The following BNC2 variants were observed in gnomAD, a reference collection of about 807,000 sequenced individuals.
BNC2 encodes the protein zinc finger protein basonuclin-2.
A neutral mutation model predicts 76.3 loss-of-function variants in BNC2; 20 were observed. The ratio of observed to expected loss-of-function variants is 0.26; its 90% CI spans 0.18 to 0.38. The LOEUF (loss-of-function observed/expected upper bound fraction) is 0.38, where lower values mean the gene tolerates loss of function less well. Ranked by LOEUF, BNC2 falls within the 10% of genes least tolerant of loss-of-function variation. The pLI, the probability that BNC2 is intolerant of heterozygous loss-of-function variation, is 1.00. For missense variants in BNC2, 1,382 were observed against 1,399.8 expected, an observed-to-expected ratio of 0.99 and a Z score of 0.20; for synonymous variants, 582 against 514.8, an observed-to-expected ratio of 1.13 and a Z score of -1.77.
intron 3 of BNC2, among the ~76,000 whole-genome samples, chr9:16,688,084 G>T (rs896862350): frequency 1.3e-5 from 2 of 152,128 alleles, no homozygotes; most frequent in Non-Finnish European, 2.9e-5. Flanking sequence ...TCTAAAAAAT[G>T]AGGGATAAGA....
chr9:16,613,186 C>G (rs1820600556), intron 3 of BNC2, among the ~76,000 whole-genome samples: 1 of 152,274 alleles, frequency 6.6e-6, no homozygotes, highest in East Asian at 1.9e-4. Context: ...CTGACAATTT[C>G]CAAGCATATG....
intron 3 of BNC2, among the ~76,000 whole-genome samples, chr9:16,640,278 C>T (rs1165407165): frequency 1.3e-5 from 2 of 152,132 alleles, no homozygotes; most frequent in Admixed American, 1.3e-4. Context: ...GAGAGGGTCT[C>T]AATCTCTCTC....
intron 1 of BNC2, among the ~76,000 whole-genome samples, chr9:16,742,104 G>T (rs1824869339): frequency 6.6e-6 from 1 of 152,132 alleles, no homozygotes; most frequent in Non-Finnish European, 1.5e-5. Context: ...GATTTTGGAT[G>T]AAATTACTTA....
intron 1 of BNC2, among the ~76,000 whole-genome samples, chr9:16,837,921 T>G (rs1818743755): frequency 6.6e-6 from 1 of 151,736 alleles, no homozygotes; most frequent in African/African-American, 2.4e-5. Context: ...AGAGTGAAAC[T>G]CTGTCTAAAA....
intron 3 of BNC2, among the ~76,000 whole-genome samples, chr9:16,659,331 G>A (rs529336936): frequency 2.6e-4 from 40 of 152,114 alleles, no homozygotes; most frequent in Admixed American, 8.5e-4. Context: ...CCAAGCTTGC[G>A]GCGGGCACAG....
At chr9:16,785,235 T>C (rs1447002362) in intron 1 of BNC2, among the ~76,000 whole-genome samples, 2 of 152,156 alleles carry the variant, frequency 1.3e-5, no homozygotes, top group Non-Finnish European at 2.9e-5. Flanking sequence ...CCTTAAAGTA[T>C]CCCACTGGGC....
chr9:16,518,612 T>G (rs201418191), intron 5 of BNC2, among the ~76,000 whole-genome samples: 1 of 47,618 alleles, frequency 2.1e-5, no homozygotes, highest in Non-Finnish European at 3.6e-5. Context: ...TTGTTTGTTT[T>G]TTGTTTTTTG....
At chr9:16,645,227 A>C (rs1281457086) in intron 3 of BNC2, among the ~76,000 whole-genome samples, 1 of 152,220 alleles carries the variant, frequency 6.6e-6, no homozygotes, top group Non-Finnish European at 1.5e-5. Context: ...GAGACAGTCT[A>C]GGTTTCTTCT....
In BNC2 at chr9:16,409,671, A is replaced by C. The variant is rs1820420107; in HGVS notation, c.*9318T>G. 6.5e-6 allele frequency: 1 copy of C among 152,686 alleles called. No homozygotes were observed. The highest frequency in any genetic ancestry group is 1.5e-5 in the Non-Finnish European group (1 of 68,050). The allele number at this position is 152,686 out of a possible 1,614,324, so 9.5% of individuals were successfully genotyped here. A position where few individuals can be genotyped will look rare whatever the true frequency, so the allele number is the denominator to read the frequency against. On this transcript the variant is annotated 3_prime_UTR_variant, in exon 7 of 7. Transcript: ENST00000380672. ...GTTATAGTACAGAAAATACAACCAA[A>C]GTAACAGCAAATTAAAAAATTTAAT...
At chr9:16,703,846 G>C (rs1286396349) in intron 3 of BNC2, among the ~76,000 whole-genome samples, 8 of 152,060 alleles carry the variant, frequency 5.3e-5, no homozygotes, top group Non-Finnish European at 1.2e-4. Flanking sequence ...AAGTAACTTA[G>C]CAGCTCTCCA....
chr9:16,479,014 G>A (rs1821987238), intron 5 of BNC2, among the ~76,000 whole-genome samples: 1 of 152,208 alleles, frequency 6.6e-6, no homozygotes, highest in Non-Finnish European at 1.5e-5. Context: ...CACTTTGGAA[G>A]GCCGAAGTGG....
intron 5 of BNC2, among the ~76,000 whole-genome samples, chr9:16,518,757 T>C (rs1204878717): frequency 1.3e-5 from 2 of 152,070 alleles, no homozygotes; most frequent in African/African-American, 4.8e-5. Flanking sequence ...CCCACCACCA[T>C]GCCTGGCTAA....
At chr9:16,740,230 G>T (rs1436499698) in intron 1 of BNC2, among the ~76,000 whole-genome samples, 1 of 152,190 alleles carries the variant, frequency 6.6e-6, no homozygotes, top group African/African-American at 2.4e-5. Context: ...AAGTGAAATA[G>T]TAAGTAGAAG....
intron 5 of BNC2, among the ~76,000 whole-genome samples, chr9:16,497,374 A>C (rs1822412016): frequency 6.6e-6 from 1 of 152,226 alleles, no homozygotes; most frequent in Non-Finnish European, 1.5e-5. Context: ...AGTTTTAATA[A>C]TGTTAATCCA....
chr9:16,637,001 G>A (rs1375029111), intron 3 of BNC2, among the ~76,000 whole-genome samples: 1 of 151,398 alleles, frequency 6.6e-6, no homozygotes, highest in East Asian at 1.9e-4. Context: ...CAAGCTAGAA[G>A]ACCCTTAAGA....
intron 3 of BNC2, among the ~76,000 whole-genome samples, chr9:16,713,884 G>A (rs770273481): frequency 4.6e-5 from 7 of 152,142 alleles, no homozygotes; most frequent in Non-Finnish European, 1.5e-5. Flanking sequence ...AGCCCAGCCT[G>A]GGCAATATGG....
chr9:16,846,936 G>A (rs1818997045), intron 1 of BNC2, among the ~76,000 whole-genome samples: 2 of 152,148 alleles, frequency 1.3e-5, no homozygotes, highest in South Asian at 2.1e-4. Flanking sequence ...TATAATTACT[G>A]GTAAAGACAG....
At chr9:16,799,507 G>T (rs1163578840) in intron 1 of BNC2, among the ~76,000 whole-genome samples, 1 of 151,990 alleles carries the variant, frequency 6.6e-6, no homozygotes, top group African/African-American at 2.4e-5. Flanking sequence ...TAGAGACAGG[G>T]TTTCACTATG....
chr9:16,771,709 C>T (rs1404934540), intron 1 of BNC2, among the ~76,000 whole-genome samples: 1 of 152,212 alleles, frequency 6.6e-6, no homozygotes, highest in Non-Finnish European at 1.5e-5. Flanking sequence ...TACACTCTTA[C>T]CATTTATATT....
Sources: allele counts gnomAD v4.1 joint callset (sites outside exome capture counted in the v4.1 genomes callset), GRCh38; gene constraint gnomAD v4.1.1; transcripts MANE v1.5; gene names NCBI Gene and HGNC (gene_info 2026-07-23, HGNC 2026-07-21).